Variants in OTUD7A observed in about 807,000 individuals in gnomAD.
The protein encoded by OTUD7A is OTU deubiquitinase 7A, also known as OTU domain-containing protein 7A.
Under a neutral mutation model 65.7 loss-of-function variants are expected in OTUD7A, and 12 were observed. The observed-to-expected ratio is 0.18, with a 90% CI of 0.12 to 0.30. The LOEUF (loss-of-function observed/expected upper bound fraction) is 0.30. OTUD7A is among the 10% of genes least tolerant of loss of function. The pLI is 1.00. For missense variants in OTUD7A, 1,148 were observed against 1,304.8 expected (o/e 0.88, Z 1.85); for synonymous variants, 641 against 586.3 (o/e 1.09, Z -1.35).
At position 31,487,099 on chromosome 15, in the gene OTUD7A, G is replaced by C; in HGVS notation, c.1371+95C>G. On this transcript the variant is annotated intron_variant, in intron 12 of 12. Transcript: ENST00000307050. This position sits in a 1 kb window ranked among gnomAD's most constrained non-coding sequence, Gnocchi z 6.0. ...GGCGGCCGGGCAGGGGCAGGCAAGA[G>C]TGTGGGAGCATTTGGGAGGATGCAC... 8.0e-7 allele frequency: 1 copy of C among 1,251,948 alleles called. No homozygotes were observed. The highest frequency in any genetic ancestry group is 1.1e-6 in the Non-Finnish European group (1 of 882,836). 77.6% of individuals were successfully genotyped at this position (1,251,948 alleles called of 1,614,324 possible). A position where few individuals can be genotyped will look rare whatever the true frequency, so the allele number is the denominator to read the frequency against.
At chr15:31,795,700 C>T (rs924210418) in intron 1 of OTUD7A, among the ~76,000 whole-genome samples, 3 of 152,150 alleles carry the variant, frequency 2.0e-5, no homozygotes, top group Non-Finnish European at 4.4e-5. Flanking sequence ...GCAAATTTTG[C>T]TCTCTCTTTA....
chr15:31,840,049 T>C (rs1049945148), intron 1 of OTUD7A, among the ~76,000 whole-genome samples: 28 of 152,208 alleles, frequency 1.8e-4, no homozygotes, highest in Admixed American at 1.3e-4. Flanking sequence ...AAAAATGACC[T>C]ACAATGACTA....
Position 31,479,365 on chromosome 15 carries a change from G to A in OTUD7A, c.*3929C>T, listed in dbSNP as rs1478657780. ...AGGAAAGAAAAAGGACAGAACACTG[G>A]GGGTACTTAATTTTAAAGTCCACAC... On this transcript the variant is annotated 3_prime_UTR_variant, in exon 13 of 13. Transcript: ENST00000307050. 3 of 152,070 alleles carry A rather than the reference G, an allele frequency of 2.0e-5. No homozygotes were observed. Among genetic ancestry groups the A allele is most frequent in the Admixed American group, 6.5e-5 (1 of 15,276 alleles). The allele number at this position is 152,070 out of a possible 1,614,324, so 9.4% of individuals were successfully genotyped here.
rs1222550361 is a variant in OTUD7A at position 31,580,720 on chromosome 15, G to A, written c.152-10523C>T. 2.0e-5 allele frequency among the ~76,000 whole-genome samples: 3 copies of A among 152,142 alleles called. No individual in the cohort carries two copies. In the East Asian group the frequency reaches 5.8e-4, roughly 29 times the overall value. On this transcript the variant is annotated intron_variant, in intron 3 of 12. Coordinates refer to ENST00000307050, the MANE Select transcript of OTUD7A (RefSeq NM_001382637.1). The stretch of plus-strand genomic sequence containing the variant: ...CATTTATATAACCATCAGATCTTGT[G>A]AGACTTATTTACTACCATGAGAACA...
At chr15:31,826,525 G>C (rs182493025) in intron 1 of OTUD7A, among the ~76,000 whole-genome samples, 2 of 152,218 alleles carry the variant, frequency 1.3e-5, no homozygotes, top group Admixed American at 6.5e-5. Flanking sequence ...TGTGATAGGA[G>C]GGGCTGATGT....
At chr15:31,518,953 G>T (rs2141108821) in intron 8 of OTUD7A, among the ~76,000 whole-genome samples, 1 of 152,390 alleles carries the variant, frequency 6.6e-6, no homozygotes, top group Middle Eastern at 3.4e-3. Context: ...AAGGACGGGG[G>T]CCTCCCAGTG....
At chr15:31,587,755 T>C (rs1016921903) in intron 3 of OTUD7A, among the ~76,000 whole-genome samples, 4 of 152,170 alleles carry the variant, frequency 2.6e-5, no homozygotes, top group African/African-American at 9.7e-5. Context: ...TCCAGGCCCT[T>C]GGCAATCTGG....
chr15:31,621,337 T>C (rs1890775671), intron 3 of OTUD7A, among the ~76,000 whole-genome samples: 1 of 152,178 alleles, frequency 6.6e-6, no homozygotes, highest in African/African-American at 2.4e-5. Context: ...ACTTTCTGTT[T>C]CGTTGATCTG....
intron 1 of OTUD7A, among the ~76,000 whole-genome samples, chr15:31,858,698 TC>T (rs1897642450): frequency 6.6e-6 from 1 of 152,128 alleles, no homozygotes; most frequent in South Asian, 2.1e-4. Context: ...TTGCCTCACA[TC>T]CCCATCCCAC....
intron 3 of OTUD7A, among the ~76,000 whole-genome samples, chr15:31,626,101 T>C (rs899286272): frequency 6.6e-6 from 1 of 152,176 alleles, no homozygotes; most frequent in African/African-American, 2.4e-5. Context: ...ATTTTTTTAT[T>C]ACAGTTTCAG....
chr15:31,608,245 GA>G (rs1890293454), intron 3 of OTUD7A, among the ~76,000 whole-genome samples: 1 of 150,344 alleles, frequency 6.7e-6, no homozygotes, highest in Non-Finnish European at 1.5e-5. Context: ...CCATCTCAAA[GA>G]AGAAAAAAAA....
At chr15:31,610,617 A>ATATTTTTTTTTTTTTTTTTTT in intron 3 of OTUD7A, among the ~76,000 whole-genome samples, 1 of 30,560 alleles carries the variant, frequency 3.3e-5, no homozygotes, top group Non-Finnish European at 4.9e-5. Flanking sequence ...ATATATATAT[A>ATATTTTTTTTTTTTTTTTTTT]TTTTTTTTTT....
intron 1 of OTUD7A, among the ~76,000 whole-genome samples, chr15:31,830,636 T>C (rs1471024502): frequency 1.3e-5 from 2 of 152,262 alleles, no homozygotes; most frequent in African/African-American, 2.4e-5. Flanking sequence ...TTCACCCTGT[T>C]GTTCCTGAAC....
Position 31,839,858 on chromosome 15 carries a change from T to C in OTUD7A, c.-100+30649A>G, listed in dbSNP as rs74615086. ...ATTCTTAAAACAACATTAAACATCT[T>C]GTAATAACTTCCCTGGGAGATACTG... On this transcript the variant is annotated intron_variant, in intron 1 of 12. Coordinates refer to ENST00000307050, the MANE Select transcript of OTUD7A (RefSeq NM_001382637.1). Among the ~76,000 whole-genome samples, 798 of 152,290 alleles carry C rather than the reference T, an allele frequency of 5.2e-3. 10 individuals carry two copies. The highest frequency in any genetic ancestry group is 0.018 in the African/African-American group (768 of 41,558).
At position 31,533,323 on chromosome 15, in the gene OTUD7A, G is replaced by C. The variant is rs139297550; in HGVS notation, c.551-2515C>G. ...GCAATTTCAGCTCACTGCAACCTCT[G>C]CCTCTTAGGTTCAAGTGATTTTCCT... On this transcript the variant is annotated intron_variant, in intron 5 of 12. Coordinates refer to ENST00000307050, the MANE Select transcript of OTUD7A (RefSeq NM_001382637.1). Among the ~76,000 whole-genome samples, 496 of 148,590 alleles carry C rather than the reference G, an allele frequency of 3.3e-3. 4 individuals are homozygous for C. The highest frequency in any genetic ancestry group is 0.012 in the African/African-American group (476 of 39,986).
chr15:31,683,125 G>C (rs1362163586), intron 1 of OTUD7A, among the ~76,000 whole-genome samples: 3 of 152,096 alleles, frequency 2.0e-5, no homozygotes, highest in African/African-American at 7.2e-5. Context: ...TTCAGCTTTT[G>C]GGCTTTCTTA....
chr15:31,573,616 T>C (rs1164805172), intron 3 of OTUD7A, among the ~76,000 whole-genome samples: 1 of 152,212 alleles, frequency 6.6e-6, no homozygotes, highest in South Asian at 2.1e-4. Context: ...AGTTGACAGA[T>C]CAGGCCAGGT....
intron 3 of OTUD7A, among the ~76,000 whole-genome samples, chr15:31,620,165 C>A (rs140387839): frequency 6.6e-6 from 1 of 152,206 alleles, no homozygotes; most frequent in East Asian, 1.9e-4. Context: ...TGGATTCGGT[C>A]TGCCAGTATT....
intron 1 of OTUD7A, among the ~76,000 whole-genome samples, chr15:31,798,797 G>A (rs992023495): frequency 6.6e-6 from 1 of 152,224 alleles, no homozygotes; most frequent in Non-Finnish European, 1.5e-5. Context: ...AGGAAGCCAG[G>A]GGGAGGCTCA....
Sources: gnomAD v4.1 joint callset for allele counts (sites outside exome capture counted in the v4.1 genomes callset) on GRCh38, gnomAD v4.1.1 for gene constraint, Gnocchi (gnomAD v3.1) non-coding constraint, MANE v1.5 for transcripts, NCBI Gene and HGNC (gene_info 2026-07-23, HGNC 2026-07-21) for gene names.